The following CSTPP1 variants were observed in gnomAD, a reference collection of about 807,000 sequenced individuals.
The protein encoded by CSTPP1 is UPF0705 protein C11orf49.
the CSTPP1 span, among the ~76,000 whole-genome samples, chr11:47,042,820 G>C: frequency 6.6e-6 from 1 of 152,104 alleles, no homozygotes; most frequent in African/African-American, 2.4e-5. Context: ...TTGTAGTTTA[G>C]TCAAATACAA....
At chr11:47,155,455 C>T in the CSTPP1 span, 1 of 614,556 alleles carries the variant, frequency 1.6e-6, no homozygotes, top group Non-Finnish European at 2.9e-6. Flanking sequence ...GCAGAGCCGA[C>T]TTCCTCAGCC....
At chr11:47,092,793 G>A in the CSTPP1 span, among the ~76,000 whole-genome samples, 91 of 152,182 alleles carry the variant, frequency 6.0e-4, no homozygotes, top group African/African-American at 2.1e-3. Flanking sequence ...ATTGCACTTG[G>A]TAATGTCTCT....
the CSTPP1 span, among the ~76,000 whole-genome samples, chr11:47,099,735 T>G: frequency 9.8e-5 from 15 of 152,364 alleles, no homozygotes; most frequent in East Asian, 2.9e-3. Flanking sequence ...AGAAAGTGTT[T>G]TCTTTGGTCA....
At chr11:46,996,668 C>G in the CSTPP1 span, among the ~76,000 whole-genome samples, 1 of 152,146 alleles carries the variant, frequency 6.6e-6, no homozygotes, top group Non-Finnish European at 1.5e-5. Context: ...CATTGATGGT[C>G]TTTACAATTT....
chr11:47,128,898 T>A, the CSTPP1 span, among the ~76,000 whole-genome samples: 18 of 152,224 alleles, frequency 1.2e-4, no homozygotes, highest in Middle Eastern at 3.4e-3. Flanking sequence ...TAAAACAACA[T>A]AAAAACCTTC....
the CSTPP1 span, among the ~76,000 whole-genome samples, chr11:46,990,149 C>T: frequency 5.3e-5 from 8 of 152,132 alleles, no homozygotes; most frequent in African/African-American, 1.9e-4. Context: ...TTGGCATACC[C>T]ACTAATGAAT....
the CSTPP1 span, among the ~76,000 whole-genome samples, chr11:46,954,150 G>A: frequency 2.6e-5 from 4 of 152,244 alleles, no homozygotes; most frequent in South Asian, 8.3e-4. Context: ...TTGACTATGG[G>A]AATTGGTAAA....
the CSTPP1 span, chr11:47,052,582 C>CCT: frequency 6.5e-6 from 10 of 1,549,584 alleles, no homozygotes; most frequent in Admixed American, 3.6e-5. Flanking sequence ...TTCCTTCCTT[C>CCT]CTCTCTCTCT....
At chr11:47,101,178 TTTTTTTTTTTTATTTTA>T in the CSTPP1 span, among the ~76,000 whole-genome samples, 8 of 93,022 alleles carry the variant, frequency 8.6e-5, no homozygotes, top group East Asian at 2.3e-4. Context: ...TTTTTTTTTT[TTTTTTTTTTTTATTTTA>T]TTTTTAGTAG....
chr11:47,114,515 G>T, the CSTPP1 span, among the ~76,000 whole-genome samples: 1 of 152,104 alleles, frequency 6.6e-6, no homozygotes, highest in East Asian at 1.9e-4. Flanking sequence ...GTTGAGCAGT[G>T]GTTTGTAGTT....
the CSTPP1 span, among the ~76,000 whole-genome samples, chr11:47,106,729 C>G: frequency 6.6e-6 from 1 of 152,028 alleles, no homozygotes; most frequent in East Asian, 1.9e-4. Context: ...GGCAAAATGC[C>G]CAGGAATGTT....
the CSTPP1 span, among the ~76,000 whole-genome samples, chr11:46,947,056 G>A: frequency 1.3e-5 from 2 of 152,080 alleles, no homozygotes; most frequent in African/African-American, 2.4e-5. Context: ...GGATCTTTTC[G>A]GTTTTAACTC....
chr11:47,079,319 A>G, the CSTPP1 span, among the ~76,000 whole-genome samples: 1 of 152,210 alleles, frequency 6.6e-6, no homozygotes, highest in Non-Finnish European at 1.5e-5. Context: ...GAGAAGTGAC[A>G]TCATTGTGGG....
chr11:47,059,854 C>G, the CSTPP1 span, among the ~76,000 whole-genome samples: 1 of 152,100 alleles, frequency 6.6e-6, no homozygotes, highest in Non-Finnish European at 1.5e-5. Context: ...CCTGTAATCC[C>G]AGCACTTTGA....
chr11:47,037,800 AC>A, the CSTPP1 span, among the ~76,000 whole-genome samples: 1 of 127,520 alleles, frequency 7.8e-6, no homozygotes, highest in Non-Finnish European at 1.9e-5. Context: ...CTACACAGAC[AC>A]GGCAACCATC....
the CSTPP1 span, among the ~76,000 whole-genome samples, chr11:47,039,061 G>T: frequency 1.6e-5 from 2 of 126,052 alleles, no homozygotes; most frequent in African/African-American, 2.5e-5. Context: ...TTCCAGACTG[G>T]GCAGCCAGGC....
the CSTPP1 span, among the ~76,000 whole-genome samples, chr11:46,969,963 C>A: frequency 6.6e-6 from 1 of 152,032 alleles, no homozygotes; most frequent in Non-Finnish European, 1.5e-5. Flanking sequence ...GACATGGTTT[C>A]GCCATGTTGG....
the CSTPP1 span, among the ~76,000 whole-genome samples, chr11:47,072,827 G>A: frequency 1.3e-5 from 2 of 152,114 alleles, no homozygotes; most frequent in African/African-American, 4.8e-5. Context: ...TTTCTTGAAA[G>A]TATGTTTCTA....
At chr11:47,043,834 T>C in the CSTPP1 span, among the ~76,000 whole-genome samples, 3 of 152,068 alleles carry the variant, frequency 2.0e-5, no homozygotes, top group Non-Finnish European at 4.4e-5. Flanking sequence ...TCTACAATCC[T>C]GTCTCTAGAT....
Sources: allele counts gnomAD v4.1 joint callset (sites outside exome capture counted in the v4.1 genomes callset), GRCh38; gene constraint gnomAD v4.1.1; transcripts MANE v1.5; gene names NCBI Gene and HGNC (gene_info 2026-07-23, HGNC 2026-07-21).